The following FLI1 variants were observed in gnomAD, a reference collection of about 807,000 sequenced individuals.
FLI1 encodes Fli-1 proto-oncogene, ETS transcription factor.
Under a neutral mutation model 53.1 loss-of-function variants are expected in FLI1, and 13 were observed. That is an observed-to-expected ratio of 0.24 (90% confidence interval 0.16 to 0.39). FLI1 has a LOEUF of 0.39. FLI1 is among the 10% of genes least tolerant of loss of function. The probability of loss-of-function intolerance (pLI) is 1.00; values close to 1 mark genes in which losing one functional copy is unlikely to be tolerated. For missense variants in FLI1, 424 were observed against 600.5 expected, an observed-to-expected ratio of 0.71 and a Z score of 3.07; for synonymous variants, 244 against 236.7, an observed-to-expected ratio of 1.03 and a Z score of -0.28.
upstream of FLI1, among the ~76,000 whole-genome samples, chr11:128,690,765 T>A (rs944995847): frequency 6.6e-6 from 1 of 152,246 alleles, no homozygotes; most frequent in Non-Finnish European, 1.5e-5. Flanking sequence ...GGGACATTTT[T>A]TTCTCCAGTT....
chr11:128,808,738 A>C (rs1942857650), intron 7 of FLI1, among the ~76,000 whole-genome samples: 1 of 152,206 alleles, frequency 6.6e-6, no homozygotes, highest in Non-Finnish European at 1.5e-5. Context: ...TAAAAAAAAA[A>C]ACAGATTAAT....
intron 1 of FLI1, among the ~76,000 whole-genome samples, chr11:128,722,510 C>T (rs1939296173): frequency 6.6e-6 from 1 of 152,214 alleles, no homozygotes; most frequent in Admixed American, 6.5e-5. Flanking sequence ...GATTTGCTTG[C>T]TCAGACTTCA....
intron 2 of FLI1, chr11:128,764,689 G>C: frequency 6.5e-7 from 1 of 1,541,056 alleles, no homozygotes; most frequent in Non-Finnish European, 8.7e-7. Flanking sequence ...TTTTATGCTG[G>C]GCTTCACCTG....
At chr11:128,736,514 G>C (rs1033605366) in intron 1 of FLI1, among the ~76,000 whole-genome samples, 1 of 152,222 alleles carries the variant, frequency 6.6e-6, no homozygotes, top group African/African-American at 2.4e-5. Context: ...GTAGGAACCT[G>C]GAAAGATTTC....
chr11:128,746,993 C>T (rs1940423136), intron 1 of FLI1, among the ~76,000 whole-genome samples: 1 of 152,226 alleles, frequency 6.6e-6, no homozygotes, highest in African/African-American at 2.4e-5. Context: ...ACCCCATCTG[C>T]AGCCAGGATG....
chr11:128,773,622 A>T (rs1189367147), intron 4 of FLI1, among the ~76,000 whole-genome samples: 3 of 149,294 alleles, frequency 2.0e-5, no homozygotes, highest in South Asian at 2.2e-4. Flanking sequence ...CAAGAGATTT[A>T]TCTAGTATGA....
At chr11:128,708,840 A>G (rs1938666617) in intron 1 of FLI1, among the ~76,000 whole-genome samples, 1 of 152,230 alleles carries the variant, frequency 6.6e-6, no homozygotes, top group South Asian at 2.1e-4. Flanking sequence ...CCGTCTTTTT[A>G]TTTGTCAGGC....
chr11:128,685,470 G>A (rs1160568850), upstream of FLI1, among the ~76,000 whole-genome samples: 1 of 152,066 alleles, frequency 6.6e-6, no homozygotes, highest in Non-Finnish European at 1.5e-5. Context: ...GGGAAATGTG[G>A]GACTTTGGGG....
At chr11:128,766,938 G>T (rs982831565) in intron 2 of FLI1, among the ~76,000 whole-genome samples, 1 of 152,060 alleles carries the variant, frequency 6.6e-6, no homozygotes, top group African/African-American at 2.4e-5. Flanking sequence ...TCAGTATAAT[G>T]GCGGCTACAG....
At position 128,734,987 on chromosome 11, in the gene FLI1, C is replaced by A. The variant is rs544921781; in HGVS notation, c.19-23128C>A. ...GTGCAGCCTCGTGGAAAGGGCCCCA[C>A]GGAAGGGAGTCCAGAGGGTTGGCCT... On this transcript the variant is annotated intron_variant, in intron 1 of 8. Transcript: ENST00000527786. Among the ~76,000 whole-genome samples the A allele has an allele frequency of 1.3e-4, 20 of 152,328 alleles. 1 individual carries two copies. In the South Asian group the frequency reaches 4.1e-3, roughly 32 times the overall value.
intron 4 of FLI1, among the ~76,000 whole-genome samples, chr11:128,774,278 G>A (rs938476927): frequency 2.0e-5 from 3 of 152,170 alleles, no homozygotes; most frequent in African/African-American, 7.2e-5. Flanking sequence ...GGTAACTAGT[G>A]CGAGAAAGTA....
At chr11:128,693,988 G>T (rs1937894482), upstream of FLI1, 2 of 281,538 alleles carry the variant, frequency 7.1e-6, no homozygotes, top group South Asian at 1.4e-4. Flanking sequence ...GAGAGAGAGA[G>T]AGAGATAGGA....
Position 128,725,058 on chromosome 11 carries a change from C to T in FLI1, c.18+30782C>T, listed in dbSNP as rs182708520. ...GCTAGGCTGAGACTCTAGGTGTTCT[C>T]GTAGTTTCGATAAAAACTATAATTG... On this transcript the variant is annotated intron_variant, in intron 1 of 8. Transcript: ENST00000527786. Among the ~76,000 whole-genome samples the T allele has an allele frequency of 2.6e-5, 4 of 152,230 alleles. No individual in the cohort carries two copies. The East Asian group carries it at 5.8e-4, about 22-fold the overall frequency.
chr11:128,732,317 T>C (rs959490456), intron 1 of FLI1, among the ~76,000 whole-genome samples: 1 of 152,246 alleles, frequency 6.6e-6, no homozygotes, highest in Non-Finnish European at 1.5e-5. Context: ...CAGGAAATTC[T>C]GATGGGCAGA....
At chr11:128,717,525 A>C (rs532045284) in intron 1 of FLI1, among the ~76,000 whole-genome samples, 1 of 152,262 alleles carries the variant, frequency 6.6e-6, no homozygotes, top group East Asian at 1.9e-4. Flanking sequence ...GCAGTTTGGG[A>C]CTGCAGGGCA....
intron 5 of FLI1, among the ~76,000 whole-genome samples, chr11:128,796,782 C>T (rs954092263): frequency 8.5e-5 from 13 of 152,164 alleles, no homozygotes; most frequent in African/African-American, 3.1e-4. Context: ...CAAGACAAGC[C>T]TGGCCAACAT....
At chr11:128,688,682 G>T (rs1937628130) in intron 1 of FLI1, among the ~76,000 whole-genome samples, 1 of 152,162 alleles carries the variant, frequency 6.6e-6, no homozygotes, top group African/African-American at 2.4e-5. Context: ...GTCCCACAGA[G>T]AGGTAAAGGA....
chr11:128,754,636 G>A (rs1156907330), intron 1 of FLI1, among the ~76,000 whole-genome samples: 1 of 152,202 alleles, frequency 6.6e-6, no homozygotes, highest in Admixed American at 6.5e-5. Flanking sequence ...ATTTGCTGTG[G>A]TCCATCTCTA....
intron 1 of FLI1, among the ~76,000 whole-genome samples, chr11:128,730,143 A>G (rs1027014028): frequency 3.9e-5 from 6 of 152,216 alleles, no homozygotes; most frequent in Non-Finnish European, 7.3e-5. Context: ...TCTGATTTGT[A>G]TATTATCACC....
Sources: allele counts gnomAD v4.1 joint callset (sites outside exome capture counted in the v4.1 genomes callset), GRCh38; gene constraint gnomAD v4.1.1; transcripts MANE v1.5; gene names NCBI Gene and HGNC (gene_info 2026-07-23, HGNC 2026-07-21).